The following SNX7 variants were observed in gnomAD, a reference collection of about 807,000 sequenced individuals.
SNX7 encodes sorting nexin 7.
Under a neutral mutation model 48.4 loss-of-function variants are expected in SNX7, and 35 were observed. That is an observed-to-expected ratio of 0.72 (90% CI 0.55 to 0.96). The LOEUF is 0.96. Ranked by LOEUF, SNX7 falls within the 40% of genes least tolerant of loss-of-function variation. The probability of loss-of-function intolerance (pLI) is 0.00; values close to 1 mark genes in which losing one functional copy is unlikely to be tolerated. For missense variants in SNX7, 553 were observed against 548.9 expected (o/e 1.01, Z -0.07); for synonymous variants, 190 against 190.2 (o/e 1.00, Z 0.01).
At chr1:98,711,057 C>A (rs914830753) in intron 7 of SNX7, among the ~76,000 whole-genome samples, 5 of 152,114 alleles carry the variant, frequency 3.3e-5, no homozygotes, top group African/African-American at 1.2e-4. Flanking sequence ...AGCTCTGTCA[C>A]CCAGGCTGGA....
chr1:98,709,722 ATTTATCTCACT>A (rs1437677329), intron 7 of SNX7, among the ~76,000 whole-genome samples: 1 of 152,018 alleles, frequency 6.6e-6, no homozygotes, highest in Non-Finnish European at 1.5e-5. Flanking sequence ...ATCTTATCCC[ATTTATCTCACT>A]TTTTACAGTA....
intron 1 of SNX7, among the ~76,000 whole-genome samples, chr1:98,675,120 G>A (rs1304885603): frequency 6.6e-6 from 1 of 152,118 alleles, no homozygotes; most frequent in African/African-American, 2.4e-5. Context: ...ACCTTTGTTT[G>A]GAAAGAACAA....
Position 98,691,562 on chromosome 1 carries a change from G to A in SNX7, c.502G>A (p.Gly168Arg). The A allele has an allele frequency of 1.3e-6, 2 of 1,591,502 alleles. No individual in the cohort carries two copies. The highest frequency in any genetic ancestry group is 1.7e-6 in the Non-Finnish European group (2 of 1,171,584). The change falls in exon 4 of 9, where the codon GGA becomes AGA. Residue 168 changes from glycine to arginine, a missense_variant. Coordinates refer to ENST00000306121, the MANE Select transcript of SNX7 (RefSeq NM_015976.5). ...ATTGCCAGAAAAGTTTATAGTAAAAGGAATGGTGGAACGCTTTAACGATGA... is the reference window on the plus strand; with the variant it reads ...ATTGCCAGAAAAGTTTATAGTAAAAAGAATGGTGGAACGCTTTAACGATGA... ...PPLPEKFIVK[G>R]MVERFNDDFI...
chr1:98,682,796 A>C (rs114099932), intron 1 of SNX7, among the ~76,000 whole-genome samples: 1,914 of 152,124 alleles, frequency 0.013, 50 homozygotes, highest in African/African-American at 0.044. Context: ...TTTTGGGGAG[A>C]CCTCACAGGC....
At chr1:98,717,599 T>C (rs377037698) in intron 7 of SNX7, among the ~76,000 whole-genome samples, 11 of 152,170 alleles carry the variant, frequency 7.2e-5, no homozygotes, top group East Asian at 5.8e-4. Flanking sequence ...TTGCACGTGA[T>C]AAATTCTCTT....
At chr1:98,701,091 T>C (rs1651723979) in intron 6 of SNX7, among the ~76,000 whole-genome samples, 1 of 152,138 alleles carries the variant, frequency 6.6e-6, no homozygotes, top group Admixed American at 6.6e-5. Flanking sequence ...TCGGAAGAAA[T>C]GTGAATCACT....
chr1:98,673,050 T>TAC (rs1649969039), intron 1 of SNX7, among the ~76,000 whole-genome samples: 1 of 151,114 alleles, frequency 6.6e-6, no homozygotes, highest in Admixed American at 6.6e-5. Context: ...AATAAGACCA[T>TAC]ACACATGCTT....
chr1:98,739,688 GATAA>G (rs1653974992), intron 8 of SNX7, among the ~76,000 whole-genome samples: 1 of 82,914 alleles, frequency 1.2e-5, no homozygotes, highest in Non-Finnish European at 2.9e-5. Flanking sequence ...GGAGTTGCCA[GATAA>G]GAGTGTGAGA....
chr1:98,708,479 C>G lies in SNX7; in HGVS notation c.1125+6576C>G, dbSNP rs137927862. The stretch of plus-strand genomic sequence containing the variant: ...ACCCAGTTACAGATACCTGAAAAAA[C>G]TGGGGCCTTTGCAGAACGTAACGTG... On this transcript the variant is annotated intron_variant, in intron 7 of 8. Coordinates refer to ENST00000306121, the MANE Select transcript of SNX7 (RefSeq NM_015976.5). Among the ~76,000 whole-genome samples the G allele has an allele frequency of 3.6e-3, 553 of 152,198 alleles. 4 individuals are homozygous for G. Among genetic ancestry groups the G allele is most frequent in the African/African-American group, 0.012 (514 of 41,544 alleles).
chr1:98,701,906 A>G lies in SNX7; in HGVS notation c.1125+3A>G, dbSNP rs749776487. On this transcript the variant is annotated splice_donor_region_variant and intron_variant, in intron 7 of 8. Transcript: ENST00000306121. ...ATAAAAAGGCAGATACTGATCTGGT[A>G]AGTTTTTAAGTTTCTTGATACAATC... The G allele has an allele frequency of 7.5e-6, 12 of 1,594,194 alleles. No homozygotes were observed. Among genetic ancestry groups the G allele is most frequent in the Non-Finnish European group, 1.0e-5 (12 of 1,167,888 alleles).
intron 8 of SNX7, among the ~76,000 whole-genome samples, chr1:98,745,733 C>T (rs565638144): frequency 1.4e-4 from 21 of 152,128 alleles, no homozygotes; most frequent in African/African-American, 4.8e-4. Flanking sequence ...CCGTCTTATT[C>T]ATTGGGAAGT....
chr1:98,696,242 C>T (rs1218796276), intron 5 of SNX7, among the ~76,000 whole-genome samples: 1 of 150,762 alleles, frequency 6.6e-6, no homozygotes, highest in Non-Finnish European at 1.5e-5. Flanking sequence ...TGATTTTTTC[C>T]CCTAATTTTC....
At chr1:98,680,153 G>C (rs12402632) in intron 1 of SNX7, among the ~76,000 whole-genome samples, 5,210 of 152,290 alleles carry the variant, frequency 0.034, 380 homozygotes, top group East Asian at 0.34. Context: ...TGCATTGTCT[G>C]TCCCAACACT....
At chr1:98,662,661 A>T in intron 1 of SNX7, 1 of 1,288,562 alleles carries the variant, frequency 7.8e-7, no homozygotes, top group Non-Finnish European at 1.0e-6. Context: ...GTAATTTCTT[A>T]AAGGGTTTTA....
intron 7 of SNX7, among the ~76,000 whole-genome samples, chr1:98,710,552 G>A (rs1472097527): frequency 1.3e-5 from 2 of 152,002 alleles, no homozygotes; most frequent in South Asian, 2.1e-4. Flanking sequence ...TTCTACTTAC[G>A]GTGTCCTTTG....
chr1:98,759,270 TTAGAG>T (rs1468929167), intron 8 of SNX7, among the ~76,000 whole-genome samples: 1 of 151,980 alleles, frequency 6.6e-6, no homozygotes, highest in African/African-American at 2.4e-5. Flanking sequence ...TGAATATATA[TTAGAG>T]TAGTTATGAT....
intron 7 of SNX7, among the ~76,000 whole-genome samples, chr1:98,708,511 A>G (rs1652132935): frequency 6.6e-6 from 1 of 152,150 alleles, no homozygotes; most frequent in Admixed American, 6.6e-5. Context: ...CGTGGAGAGT[A>G]GAGGATGGAT....
chr1:98,747,970 G>T, intron 8 of SNX7, among the ~76,000 whole-genome samples: 1 of 136,562 alleles, frequency 7.3e-6, no homozygotes, highest in Non-Finnish European at 1.5e-5. Context: ...TTGTTTTACA[G>T]GTTTTTACTT....
intron 8 of SNX7, among the ~76,000 whole-genome samples, chr1:98,739,008 C>T (rs887673567): frequency 3.3e-5 from 5 of 151,968 alleles, no homozygotes; most frequent in Admixed American, 2.6e-4. Context: ...TTATGTCTTA[C>T]AGCAGTGGTC....
Sources: gnomAD v4.1 joint callset for allele counts (sites outside exome capture counted in the v4.1 genomes callset) on GRCh38, gnomAD v4.1.1 for gene constraint, MANE v1.5 for transcripts, NCBI Gene and HGNC (gene_info 2026-07-23, HGNC 2026-07-21) for gene names.